The following POU6F2 variants were observed in gnomAD, a reference collection of about 807,000 sequenced individuals.
The protein encoded by POU6F2 is POU class 6 homeobox 2, also known as POU domain, class 6, transcription factor 2.
In POU6F2, 31 loss-of-function variants were observed where a neutral mutation model predicts 71.3. The ratio of observed to expected loss-of-function variants is 0.43; its 90% CI spans 0.33 to 0.59. The LOEUF (loss-of-function observed/expected upper bound fraction) is 0.59, where lower values mean the gene tolerates loss of function less well. Ranked by LOEUF, POU6F2 falls within the 20% of genes least tolerant of loss-of-function variation. The pLI, the probability that POU6F2 is intolerant of heterozygous loss-of-function variation, is 0.04. For synonymous variants in POU6F2, 347 were observed against 355.7 expected (o/e 0.98, Z 0.27); for missense variants, 783 against 856.8 (o/e 0.91, Z 1.07).
chr7:39,062,247 C>G (rs970083365), intron 1 of POU6F2, among the ~76,000 whole-genome samples: 3 of 151,950 alleles, frequency 2.0e-5, no homozygotes, highest in Non-Finnish European at 4.4e-5. Flanking sequence ...TAAAAAAATA[C>G]TTATTACAAT....
intron 1 of POU6F2, among the ~76,000 whole-genome samples, chr7:38,991,660 C>G (rs889598683): frequency 9.9e-5 from 15 of 152,174 alleles, no homozygotes; most frequent in Admixed American, 5.2e-4. Context: ...CTCCTCCCAC[C>G]TTTCTTTATC....
At chr7:39,321,858 TTAAGAA>T (rs1187112198) in intron 4 of POU6F2, among the ~76,000 whole-genome samples, 1 of 151,324 alleles carries the variant, frequency 6.6e-6, no homozygotes, top group Non-Finnish European at 1.5e-5. Context: ...GAGCTATACT[TTAAGAA>T]TAAACATTGT....
Position 39,148,255 on chromosome 7 carries a change from A to G in POU6F2, c.278-55980A>G, listed in dbSNP as rs950348917. On this transcript the variant is annotated intron_variant, in intron 2 of 9. Transcript: ENST00000518318. ...AGGTTGGACCTTCTTGAGAATTGAC[A>G]GGATTTGACCAGGGGCCAAACCTGT... Among the ~76,000 whole-genome samples, 4 of 152,354 alleles carry G rather than the reference A, an allele frequency of 2.6e-5. No homozygotes were observed. In the South Asian group the frequency reaches 8.3e-4, roughly 32 times the overall value.
chr7:39,384,172 C>T (rs2115805800), intron 5 of POU6F2, among the ~76,000 whole-genome samples: 1 of 152,258 alleles, frequency 6.6e-6, no homozygotes, highest in African/African-American at 2.4e-5. Context: ...CTCATTTGTT[C>T]CACTAAAGTC....
chr7:39,111,792 C>T (rs553996737), intron 2 of POU6F2, among the ~76,000 whole-genome samples: 1 of 151,774 alleles, frequency 6.6e-6, no homozygotes, highest in South Asian at 2.1e-4. Context: ...AGTCAACCTG[C>T]AGAAATGAAC....
At chr7:39,157,416 CATTT>C (rs1157454648) in intron 2 of POU6F2, among the ~76,000 whole-genome samples, 2 of 151,902 alleles carry the variant, frequency 1.3e-5, no homozygotes, top group Non-Finnish European at 2.9e-5. Context: ...AGTGCTTATG[CATTT>C]ATTTATTATC....
At chr7:39,391,121 C>T (rs1168610708) in intron 5 of POU6F2, among the ~76,000 whole-genome samples, 3 of 152,132 alleles carry the variant, frequency 2.0e-5, no homozygotes, top group Non-Finnish European at 4.4e-5. Flanking sequence ...TTATGAACTT[C>T]CATTTTATTT....
intron 6 of POU6F2, 63 bp downstream of exon 6, chr7:39,406,803 A>T (rs1024340356): frequency 6.3e-7 from 1 of 1,585,914 alleles, no homozygotes; most frequent in Non-Finnish European, 8.6e-7. Context: ...AAGGAATTGA[A>T]TTTCTTTTGC....
intron 2 of POU6F2, among the ~76,000 whole-genome samples, chr7:39,118,006 A>C (rs1159816082): frequency 1.3e-5 from 2 of 152,132 alleles, no homozygotes; most frequent in Non-Finnish European, 2.9e-5. Flanking sequence ...GGAGAAGTTG[A>C]ACCCTCAGTT....
chr7:39,311,692 A>T (rs1219419693), intron 4 of POU6F2, among the ~76,000 whole-genome samples: 1 of 151,970 alleles, frequency 6.6e-6, no homozygotes, highest in East Asian at 1.9e-4. Context: ...GAGAGAGAGC[A>T]GTGGCTATAG....
chr7:39,277,177 A>C (rs1004289898), intron 4 of POU6F2, among the ~76,000 whole-genome samples: 2 of 152,230 alleles, frequency 1.3e-5, no homozygotes, highest in African/African-American at 2.4e-5. Context: ...ATAAAGGTAG[A>C]CAGGAAGTTC....
intron 6 of POU6F2, among the ~76,000 whole-genome samples, chr7:39,424,468 A>G (rs73386490): frequency 0.025 from 3,847 of 152,270 alleles, 148 homozygotes; most frequent in African/African-American, 0.088. Flanking sequence ...TATATAATTC[A>G]GATATAATTT....
At chr7:39,225,917 C>T (rs376534281) in intron 4 of POU6F2, among the ~76,000 whole-genome samples, 1 of 151,270 alleles carries the variant, frequency 6.6e-6, no homozygotes, top group East Asian at 1.9e-4. Flanking sequence ...TAGAATGCTT[C>T]AGGTCTCATG....
chr7:39,067,478 C>A (rs560778691), intron 1 of POU6F2, among the ~76,000 whole-genome samples: 1 of 151,610 alleles, frequency 6.6e-6, no homozygotes, highest in African/African-American at 2.4e-5. Context: ...AAAAATCAAA[C>A]GGAAATAACA....
chr7:39,407,434 A>G (rs1218306655), intron 6 of POU6F2, among the ~76,000 whole-genome samples: 1 of 149,070 alleles, frequency 6.7e-6, no homozygotes, highest in Non-Finnish European at 1.5e-5. Context: ...CATAATGTTC[A>G]TACTAGATCC....
intron 4 of POU6F2, among the ~76,000 whole-genome samples, chr7:39,222,392 T>C (rs1794384766): frequency 6.6e-6 from 1 of 152,220 alleles, no homozygotes; most frequent in East Asian, 1.9e-4. Context: ...CATGGCAAAA[T>C]TGGAGTAAAA....
chr7:39,204,720 T>C (rs1001240159), intron 3 of POU6F2, among the ~76,000 whole-genome samples: 6 of 152,204 alleles, frequency 3.9e-5, no homozygotes, highest in Non-Finnish European at 8.8e-5. Context: ...TGATTTAATA[T>C]AAAAAAGTTA....
chr7:39,364,112 C>T (rs1277605869), intron 5 of POU6F2, among the ~76,000 whole-genome samples: 1 of 152,106 alleles, frequency 6.6e-6, no homozygotes, highest in Non-Finnish European at 1.5e-5. Context: ...AGGCAAGAGG[C>T]ATGGATGCAC....
At chr7:38,998,499 A>AT (rs1788804365) in intron 1 of POU6F2, among the ~76,000 whole-genome samples, 1 of 152,206 alleles carries the variant, frequency 6.6e-6, no homozygotes, top group East Asian at 1.9e-4. Context: ...ACGTACAAAT[A>AT]TTTTGATATT....
Sources: allele counts gnomAD v4.1 joint callset (sites outside exome capture counted in the v4.1 genomes callset), GRCh38; gene constraint gnomAD v4.1.1; transcripts MANE v1.5; gene names NCBI Gene and HGNC (gene_info 2026-07-23, HGNC 2026-07-21).